Variants in FNTB observed in about 807,000 individuals in gnomAD.
FNTB encodes the protein protein farnesyltransferase subunit beta.
A neutral mutation model predicts 59.4 loss-of-function variants in FNTB; 27 were observed. The observed-to-expected ratio is 0.45, with a 90% confidence interval of 0.34 to 0.63. The LOEUF (loss-of-function observed/expected upper bound fraction) is 0.63, where lower values mean the gene tolerates loss of function less well. Ranked by LOEUF, FNTB falls within the 20% of genes least tolerant of loss-of-function variation. The probability of loss-of-function intolerance (pLI) is 0.02; values close to 1 mark genes in which losing one functional copy is unlikely to be tolerated. For missense variants in FNTB, 449 were observed against 559.6 expected (o/e 0.80, Z 1.99); for synonymous variants, 230 against 220.7 (o/e 1.04, Z -0.37).
chr14:65,019,959 G>A (rs911315821), intron 4 of FNTB, among the ~76,000 whole-genome samples: 18 of 152,208 alleles, frequency 1.2e-4, no homozygotes, highest in African/African-American at 3.9e-4. Flanking sequence ...TTTGAAATGC[G>A]TTCAGTTTTC....
intron 1 of FNTB, among the ~76,000 whole-genome samples, chr14:64,989,845 A>G (rs1566858981): frequency 1.3e-5 from 2 of 152,240 alleles, no homozygotes; most frequent in South Asian, 2.1e-4. Flanking sequence ...GTTAATATCT[A>G]TAGCTATCTC....
chr14:65,022,647 A>C lies in FNTB; in HGVS notation c.375-4806A>C, dbSNP rs187986577. Among the ~76,000 whole-genome samples, 320 of 152,126 alleles carry C rather than the reference A, an allele frequency of 2.1e-3. 3 individuals carry two copies. The highest frequency in any genetic ancestry group is 7.4e-3 in the African/African-American group (307 of 41,498). On this transcript the variant is annotated intron_variant, in intron 4 of 11. Coordinates refer to ENST00000246166, the MANE Select transcript of FNTB (RefSeq NM_002028.4). ...CTCCCAAAGTCTAGGGATTACAGGC[A>C]CGAGCCACCACACCCAGCCAAATAC...
At chr14:65,053,415 GGC>G in intron 10 of FNTB, 66 bp downstream of exon 10, 1 of 1,254,972 alleles carries the variant, frequency 8.0e-7, no homozygotes, top group Non-Finnish European at 1.0e-6. Context: ...GTGCACCTCA[GGC>G]CTACTCAGAG....
rs71123898 is a variant in FNTB, at chr14:65,005,449, T to TTTTCTTTCTTTC, written c.209+1190_209+1201dup. Among the ~76,000 whole-genome samples, 985 of 119,906 alleles carry TTTTCTTTCTTTC rather than the reference T, an allele frequency of 8.2e-3. 15 individuals carry two copies. Among genetic ancestry groups the TTTTCTTTCTTTC allele is most frequent in the East Asian group, 0.013 (53 of 4,112 alleles). 78.7% of individuals were successfully genotyped at this position (119,906 alleles called of 152,430 possible). A position where few individuals can be genotyped will look rare whatever the true frequency, so the allele number is the denominator to read the frequency against. ...TGATGGAACACTTTCTCTTCCTTTCTTTTCTTTCTTTCTTTCTTTCTTTCT... is the reference window on the plus strand; with the variant it reads ...TGATGGAACACTTTCTCTTCCTTTCTTTTCTTTCTTTCTTTCTTTCTTTCTTTCTTTCTTTCT... On this transcript the variant is annotated intron_variant, in intron 2 of 11. Coordinates refer to ENST00000246166, the MANE Select transcript of FNTB (RefSeq NM_002028.4).
chr14:65,030,436 C>T lies in FNTB; in HGVS notation c.606-2174C>T, dbSNP rs1020835467. ...AGTCTGACTTCATGTTATATCTATA[C>T]TGAGTAAGATGGAAACCAGGGCCGA... is the stretch of plus-strand genomic sequence containing the variant. On this transcript the variant is annotated intron_variant, in intron 6 of 11. Transcript: ENST00000246166. This position sits in a 1 kb window ranked among gnomAD's most constrained non-coding sequence, Gnocchi z 4.5. Among the ~76,000 whole-genome samples, 4 of 152,110 alleles carry T rather than the reference C, an allele frequency of 2.6e-5. No individual in the cohort carries two copies. The highest frequency in any genetic ancestry group is 2.0e-4 in the Admixed American group (3 of 15,270).
At chr14:65,045,437 A>T (rs1253986900) in intron 9 of FNTB, among the ~76,000 whole-genome samples, 1 of 96,640 alleles carries the variant, frequency 1.0e-5, no homozygotes, top group Admixed American at 1.5e-4. Flanking sequence ...CGCCCCCGAG[A>T]TGGAGTCGTG....
intron 4 of FNTB, among the ~76,000 whole-genome samples, chr14:65,017,616 A>G (rs936298406): frequency 1.3e-5 from 2 of 152,324 alleles, no homozygotes; most frequent in South Asian, 4.1e-4. Flanking sequence ...ATTGGAAGCA[A>G]TCTAAATTAA....
chr14:65,058,243 ATAAAGGACTAGCAT>A (rs1480813699), intron 11 of FNTB, among the ~76,000 whole-genome samples: 2 of 149,256 alleles, frequency 1.3e-5, no homozygotes, highest in Non-Finnish European at 3.0e-5. Flanking sequence ...AATTTTTTCC[ATAAAGGACTAGCAT>A]TTTTTTTTTT....
intron 7 of FNTB, 46 bp from the exon 8 acceptor site, chr14:65,040,744 G>C (rs763790962): frequency 1.3e-6 from 2 of 1,594,850 alleles, no homozygotes. Context: ...TCTTGTGTAC[G>C]TCCACTCACT....
rs2062861576 is a variant in FNTB, at chr14:65,061,311, A to G, written c.1313A>G (p.Ter438TrpextTer82). 6.2e-7 allele frequency: 1 copy of G among 1,613,630 alleles called. No individual in the cohort carries two copies. The highest frequency in any genetic ancestry group is 8.5e-7 in the Non-Finnish European group (1 of 1,180,008). The change falls in exon 12 of 12, where the codon TAG (stop) becomes TGG (tryptophan). Residue 438 changes from the stop codon to tryptophan, a stop_lost. Transcript: ENST00000246166. Reference protein sequence around the residue: ...DETSAEPATD* With the variant: ...DETSAEPATDW ...ACATCGGCAGAGCCTGCAACCGACTAGAGGACCTGGGTCCCGGCAGCTCTT... is the reference window on the plus strand; with the variant it reads ...ACATCGGCAGAGCCTGCAACCGACTGGAGGACCTGGGTCCCGGCAGCTCTT...
At chr14:65,038,597 A>C (rs1421078769) in intron 7 of FNTB, among the ~76,000 whole-genome samples, 1 of 151,726 alleles carries the variant, frequency 6.6e-6, no homozygotes, top group Non-Finnish European at 1.5e-5. Context: ...ATGCACCTGT[A>C]ATCCCACGTA....
rs191553591 is a variant in FNTB, at chr14:65,018,180, A to T, written c.374+2464A>T. ...GACATAGTGAGACTCCATTTCAAAA[A>T]TAAAAATAAAAATAGCTGGGCGTGG... On this transcript the variant is annotated intron_variant, in intron 4 of 11. Coordinates refer to ENST00000246166, the MANE Select transcript of FNTB (RefSeq NM_002028.4). Among the ~76,000 whole-genome samples, 913 of 151,888 alleles carry T rather than the reference A, an allele frequency of 6.0e-3. 11 individuals are homozygous for T. Among genetic ancestry groups the T allele is most frequent in the African/African-American group, 0.021 (863 of 41,412 alleles).
chr14:65,037,403 C>A (rs8008181), intron 7 of FNTB, among the ~76,000 whole-genome samples: 1 of 29,646 alleles, frequency 3.4e-5, no homozygotes, highest in Non-Finnish European at 7.3e-5. Flanking sequence ...ACGCCGGGCC[C>A]TTTTTTTTTT....
rs2061740639 is a variant in FNTB at position 65,014,863 on chromosome 14, T to C, written c.283-762T>C. On this transcript the variant is annotated intron_variant, in intron 3 of 11. Transcript: ENST00000246166. This position sits in a 1 kb window ranked among gnomAD's most constrained non-coding sequence, Gnocchi z 5.1. ...ATTTTATTATCATCCCCCCAGTGTC[T>C]AATACAGTGCTTGGCACAAGTAGAT... Among the ~76,000 whole-genome samples the C allele has an allele frequency of 6.6e-6, 1 of 152,130 alleles. No homozygotes were observed. The highest frequency in any genetic ancestry group is 6.6e-5 in the Admixed American group (1 of 15,266).
chr14:65,002,356 C>A (rs904985702), intron 1 of FNTB, among the ~76,000 whole-genome samples: 1 of 152,198 alleles, frequency 6.6e-6, no homozygotes, highest in African/African-American at 2.4e-5. Context: ...CGCCTGTAAT[C>A]CCAGCACTTT....
At chr14:65,053,472 G>A (rs1046164296) in intron 10 of FNTB, 123 bp downstream of exon 10, 6 of 852,280 alleles carry the variant, frequency 7.0e-6, no homozygotes, top group Middle Eastern at 3.4e-4. Context: ...CCTGCATAGC[G>A]CTAGGTTGTA....
At chr14:65,052,039 C>A (rs1227621241) in intron 9 of FNTB, among the ~76,000 whole-genome samples, 4 of 152,066 alleles carry the variant, frequency 2.6e-5, no homozygotes, top group Non-Finnish European at 5.9e-5. Context: ...TCGTGATCAA[C>A]CCCCCTCAGC....
In FNTB at chr14:65,015,731, G is replaced by A. The variant is rs766574645; in HGVS notation, c.374+15G>A. ...GTGGCTACAGAGTGAGTCTGTCTTT[G>A]GGAAATCTGGGGTGTTCTCTGAAAT... On this transcript the variant is annotated intron_variant, in intron 4 of 11. Transcript: ENST00000246166. The A allele has an allele frequency of 5.2e-5, 84 of 1,609,246 alleles. No individual in the cohort carries two copies. Among genetic ancestry groups the A allele is most frequent in the Non-Finnish European group, 6.1e-5 (72 of 1,177,012 alleles).
In FNTB at chr14:65,014,257, G is replaced by A. The variant is rs140185232; in HGVS notation, c.283-1368G>A. Reference sequence around the variant, plus strand: ...ACTCCTACCTACCCTGCCTAGCCTTGAATGCTCAATAATCATTTATGGTTT... The same window carrying A: ...ACTCCTACCTACCCTGCCTAGCCTTAAATGCTCAATAATCATTTATGGTTT... On this transcript the variant is annotated intron_variant, in intron 3 of 11. Transcript: ENST00000246166. This position sits in a 1 kb window ranked among gnomAD's most constrained non-coding sequence, Gnocchi z 5.1. Among the ~76,000 whole-genome samples the A allele has an allele frequency of 3.9e-5, 6 of 152,294 alleles. No individual in the cohort carries two copies. The East Asian group carries it at 1.2e-3, about 29-fold the overall frequency.
Sources: allele counts gnomAD v4.1 joint callset (sites outside exome capture counted in the v4.1 genomes callset), GRCh38; gene constraint gnomAD v4.1.1; non-coding constraint Gnocchi (gnomAD v3.1); transcripts MANE v1.5; gene names NCBI Gene and HGNC (gene_info 2026-07-23, HGNC 2026-07-21).